LDLRAD4: variants seen among roughly 807,000 people sequenced by gnomAD.
LDLRAD4 encodes low density lipoprotein receptor class A domain containing 4.
In LDLRAD4, 5 loss-of-function variants were observed where a neutral mutation model predicts 17.0. That is an observed-to-expected ratio of 0.29 (90% CI 0.15 to 0.62). The LOEUF (loss-of-function observed/expected upper bound fraction) is 0.62, where lower values mean the gene tolerates loss of function less well. Among genes scored for constraint, LDLRAD4 ranks in the 20% least tolerant of loss-of-function variants. The probability of loss-of-function intolerance (pLI) is 0.84; values close to 1 mark genes in which losing one functional copy is unlikely to be tolerated. For missense variants in LDLRAD4, 340 were observed against 424.7 expected (o/e 0.80, Z 1.75); for synonymous variants, 168 against 171.8 (o/e 0.98, Z 0.17).
At chr18:13,533,857 C>T (rs1293952927) in intron 3 of LDLRAD4, among the ~76,000 whole-genome samples, 1 of 152,040 alleles carries the variant, frequency 6.6e-6, no homozygotes, top group East Asian at 1.9e-4. Flanking sequence ...AGTAAAGGAC[C>T]GGGGAGACTT....
chr18:13,451,762 G>T (rs1312706713), intron 3 of LDLRAD4, among the ~76,000 whole-genome samples: 4 of 152,126 alleles, frequency 2.6e-5, no homozygotes, highest in African/African-American at 9.7e-5. Context: ...TGGCAGAAGG[G>T]GAAGGAAGCA....
In LDLRAD4 at chr18:13,385,314, G is replaced by A. The variant is rs151242049; in HGVS notation, c.-382-2027G>A. Among the ~76,000 whole-genome samples the A allele has an allele frequency of 9.2e-5, 14 of 152,240 alleles. No homozygotes were observed. The East Asian group carries it at 1.3e-3, about 15-fold the overall frequency. Reference sequence around the variant, plus strand: ...GAAACATCTTTTCAGGTAATTGCCCGTTTTAAAAATTGGGTTGTTTTCTTG... The same window carrying A: ...GAAACATCTTTTCAGGTAATTGCCCATTTTAAAAATTGGGTTGTTTTCTTG... On this transcript the variant is annotated intron_variant, in intron 1 of 5. Coordinates refer to ENST00000359446, the Ensembl canonical transcript of LDLRAD4.
chr18:13,337,895 A>G (rs1446411579), intron 1 of LDLRAD4, among the ~76,000 whole-genome samples: 2 of 152,100 alleles, frequency 1.3e-5, no homozygotes, highest in African/African-American at 2.4e-5. Context: ...TCACTATACC[A>G]TGGTTTCTTC....
At chr18:13,321,113 C>T (rs553373493) in intron 1 of LDLRAD4, among the ~76,000 whole-genome samples, 5 of 152,166 alleles carry the variant, frequency 3.3e-5, no homozygotes, top group African/African-American at 9.7e-5. Flanking sequence ...AACTTCGGCC[C>T]GAGCATGCTG....
chr18:13,644,989 T>C, intron 5 of LDLRAD4, 138 bp from the exon 7 acceptor site: 1 of 642,142 alleles, frequency 1.6e-6, no homozygotes, highest in Non-Finnish European at 2.4e-6. Flanking sequence ...GATTTTCCTG[T>C]TTTCTTTTTT....
intron 3 of LDLRAD4, among the ~76,000 whole-genome samples, chr18:13,560,575 C>T (rs184173263): frequency 3.3e-5 from 5 of 152,282 alleles, no homozygotes; most frequent in African/African-American, 1.2e-4. Context: ...CTTCATAACG[C>T]CAAAGTGGCA....
intron 1 of LDLRAD4, among the ~76,000 whole-genome samples, chr18:13,386,037 ATG>A (rs2085771922): frequency 6.6e-6 from 1 of 152,226 alleles, no homozygotes; most frequent in Admixed American, 6.5e-5. Flanking sequence ...CGTATCAGTG[ATG>A]TGTTACTTCA....
At chr18:13,347,678 G>C (rs1177130604) in intron 1 of LDLRAD4, among the ~76,000 whole-genome samples, 1 of 152,170 alleles carries the variant, frequency 6.6e-6, no homozygotes, top group Non-Finnish European at 1.5e-5. Context: ...TTCCAATTTG[G>C]TTCCATTCTC....
chr18:13,308,583 C>T (rs2047049381), intron 1 of LDLRAD4, among the ~76,000 whole-genome samples: 1 of 152,196 alleles, frequency 6.6e-6, no homozygotes, highest in African/African-American at 2.4e-5. Flanking sequence ...CACTGGTAGA[C>T]TGGGTCACCA....
chr18:13,624,633 C>T (rs144373535), intron 4 of LDLRAD4, among the ~76,000 whole-genome samples: 1 of 152,226 alleles, frequency 6.6e-6, no homozygotes, highest in Non-Finnish European at 1.5e-5. Context: ...GTGTCTCCTC[C>T]GTCCCCATGC....
chr18:13,229,300 G>A (rs2041955732), intron 1 of LDLRAD4, among the ~76,000 whole-genome samples: 1 of 152,230 alleles, frequency 6.6e-6, no homozygotes, highest in African/African-American at 2.4e-5. Flanking sequence ...TGAAGGCTGT[G>A]CAACCTGGGG....
intron 3 of LDLRAD4, among the ~76,000 whole-genome samples, chr18:13,572,202 G>A (rs980783580): frequency 2.6e-5 from 4 of 152,228 alleles, no homozygotes; most frequent in African/African-American, 9.7e-5. Context: ...AGCCTTAAGT[G>A]AGCATGTACT....
chr18:13,461,529 A>G (rs745950763), intron 3 of LDLRAD4: 7 of 152,244 alleles, frequency 4.6e-5, no homozygotes, highest in Non-Finnish European at 8.8e-5. Context: ...ACAAAAGCAG[A>G]GATTTATTGA....
At chr18:13,297,292 GCACC>G (rs2046329453) in intron 1 of LDLRAD4, among the ~76,000 whole-genome samples, 3 of 152,174 alleles carry the variant, frequency 2.0e-5, no homozygotes, top group South Asian at 4.2e-4. Context: ...GGGGATCATA[GCACC>G]GTTTGGTGTT....
intron 3 of LDLRAD4, among the ~76,000 whole-genome samples, chr18:13,438,991 C>T (rs144891498): frequency 2.4e-3 from 373 of 152,278 alleles, no homozygotes; most frequent in African/African-American, 6.2e-3. Context: ...TTTGAAAGCC[C>T]GCTGAACTTC....
intron 1 of LDLRAD4, among the ~76,000 whole-genome samples, chr18:13,271,240 T>C (rs192947626): frequency 2.4e-4 from 36 of 152,360 alleles, no homozygotes; most frequent in African/African-American, 8.7e-4. Flanking sequence ...AATGAGACTC[T>C]AATGAGGGTT....
chr18:13,598,828 C>T (rs1458373550), intron 3 of LDLRAD4, among the ~76,000 whole-genome samples: 5 of 152,232 alleles, frequency 3.3e-5, no homozygotes, highest in African/African-American at 1.2e-4. Context: ...GACATTAGCT[C>T]ACTTCTCTGA....
intron 3 of LDLRAD4, among the ~76,000 whole-genome samples, chr18:13,462,770 C>G (rs999308691): frequency 6.6e-6 from 1 of 152,136 alleles, no homozygotes; most frequent in Non-Finnish European, 1.5e-5. Flanking sequence ...AGGATGTCTC[C>G]CAGAAATGCA....
intron 1 of LDLRAD4, among the ~76,000 whole-genome samples, chr18:13,294,039 T>C (rs2046121978): frequency 6.6e-6 from 1 of 152,204 alleles, no homozygotes. Flanking sequence ...TAAACCCTTT[T>C]ATGCCGGAGG....
Sources: allele counts gnomAD v4.1 joint callset (sites outside exome capture counted in the v4.1 genomes callset), GRCh38; gene constraint gnomAD v4.1.1; transcripts MANE v1.5; gene names NCBI Gene and HGNC (gene_info 2026-07-23, HGNC 2026-07-21).